Variants in PTPRK observed in about 807,000 individuals in gnomAD.
The protein encoded by PTPRK is receptor-type tyrosine-protein phosphatase kappa.
A neutral mutation model predicts 178.0 loss-of-function variants in PTPRK; 75 were observed. The observed-to-expected ratio is 0.42, with a 90% confidence interval of 0.35 to 0.51. The LOEUF (loss-of-function observed/expected upper bound fraction) is 0.51. Ranked by LOEUF, PTPRK falls within the 20% of genes least tolerant of loss-of-function variation. The probability of loss-of-function intolerance (pLI) is 0.02; values close to 1 mark genes in which losing one functional copy is unlikely to be tolerated. For missense variants in PTPRK, 1,441 were observed against 1,797.8 expected (o/e 0.80, Z 3.59); for synonymous variants, 637 against 620.6 (o/e 1.03, Z -0.39).
chr6:128,245,997 A>G (rs1414695066), intron 3 of PTPRK, among the ~76,000 whole-genome samples: 1 of 152,168 alleles, frequency 6.6e-6, no homozygotes, highest in Non-Finnish European at 1.5e-5. Flanking sequence ...CTTTCAAAAA[A>G]AGTTTTCTAA....
chr6:128,464,656 T>TATATATACAC (rs1849598913), intron 1 of PTPRK, among the ~76,000 whole-genome samples: 1 of 102,776 alleles, frequency 9.7e-6, no homozygotes, highest in African/African-American at 4.6e-5. Context: ...TATATATATA[T>TATATATACAC]ATATATATAT....
chr6:128,000,798 C>T (rs1458716945), intron 15 of PTPRK, among the ~76,000 whole-genome samples: 1 of 152,016 alleles, frequency 6.6e-6, no homozygotes, highest in Non-Finnish European at 1.5e-5. Flanking sequence ...ATCACTCAAG[C>T]TGGAAGAAGG....
At chr6:128,377,317 A>G (rs1272388786) in intron 2 of PTPRK, among the ~76,000 whole-genome samples, 1 of 152,204 alleles carries the variant, frequency 6.6e-6, no homozygotes, top group Non-Finnish European at 1.5e-5. Flanking sequence ...CATGGATGGC[A>G]GCAGGCAAAG....
chr6:128,008,846 A>G (rs1282964348), intron 14 of PTPRK, among the ~76,000 whole-genome samples: 1 of 151,146 alleles, frequency 6.6e-6, no homozygotes, highest in African/African-American at 2.4e-5. Context: ...AATATAAGAT[A>G]AATGATCTCA....
intron 1 of PTPRK, among the ~76,000 whole-genome samples, chr6:128,492,342 A>G (rs2128430354): frequency 6.6e-6 from 1 of 152,256 alleles, no homozygotes; most frequent in African/African-American, 2.4e-5. Flanking sequence ...TTCCCAGAAT[A>G]CCCCAAATCT....
intron 7 of PTPRK, among the ~76,000 whole-genome samples, chr6:128,117,407 A>G (rs74865932): frequency 5.8e-4 from 89 of 152,302 alleles, no homozygotes; most frequent in African/African-American, 2.0e-3. Context: ...TGATTAGGTA[A>G]TGCTTCCGCA....
At chr6:128,342,780 T>C (rs1363297696) in intron 2 of PTPRK, among the ~76,000 whole-genome samples, 3 of 151,738 alleles carry the variant, frequency 2.0e-5, no homozygotes, top group Admixed American at 1.3e-4. Flanking sequence ...TATCTACAAA[T>C]TTTTTTTTCT....
Position 128,241,245 on chromosome 6 carries a change from A to T in PTPRK, c.578-1095T>A, listed in dbSNP as rs1222018261. On this transcript the variant is annotated intron_variant, in intron 4 of 29. Coordinates refer to ENST00000368226, the MANE Select transcript of PTPRK (RefSeq NM_002844.4). The stretch of plus-strand genomic sequence containing the variant: ...TACCTCTCAGGAAGAGATTTAAAAT[A>T]AGGAATTCTTGAGTTAGAACATGAA... 3 of 533,250 alleles carry T rather than the reference A, an allele frequency of 5.6e-6. No individual in the cohort carries two copies. In the African/African-American group the frequency reaches 5.8e-5, roughly 10 times the overall value. 33.0% of individuals were successfully genotyped at this position (533,250 alleles called of 1,614,324 possible).
At chr6:128,496,083 C>G (rs573319839) in intron 1 of PTPRK, among the ~76,000 whole-genome samples, 1 of 152,282 alleles carries the variant, frequency 6.6e-6, no homozygotes, top group African/African-American at 2.4e-5. Flanking sequence ...CATCCATCTA[C>G]CCCAGACTGT....
chr6:128,065,740 T>C (rs1159154198), intron 12 of PTPRK, among the ~76,000 whole-genome samples: 1 of 152,166 alleles, frequency 6.6e-6, no homozygotes, highest in African/African-American at 2.4e-5. Flanking sequence ...AAAAATAAAA[T>C]GTTGCACTTC....
chr6:128,159,668 T>C (rs75646896), intron 7 of PTPRK, among the ~76,000 whole-genome samples: 3,318 of 151,844 alleles, frequency 0.022, 98 homozygotes, highest in African/African-American at 0.046. Context: ...TTTGCAACTC[T>C]TGTATTTAAA....
intron 11 of PTPRK, among the ~76,000 whole-genome samples, chr6:128,070,545 A>C (rs1782636120): frequency 6.6e-6 from 1 of 152,000 alleles, no homozygotes; most frequent in East Asian, 1.9e-4. Flanking sequence ...ACATAAATAC[A>C]AAAAGACTTC....
chr6:128,474,785 T>C (rs1363702777), intron 1 of PTPRK, among the ~76,000 whole-genome samples: 1 of 152,108 alleles, frequency 6.6e-6, no homozygotes, highest in Non-Finnish European at 1.5e-5. Flanking sequence ...AAAGATCATG[T>C]ATGGGTGTTG....
intron 15 of PTPRK, among the ~76,000 whole-genome samples, chr6:128,000,954 G>C (rs1054149840): frequency 2.0e-5 from 3 of 152,070 alleles, no homozygotes; most frequent in Non-Finnish European, 4.4e-5. Flanking sequence ...ATATAAAATA[G>C]ACAGTGCCTT....
Position 128,286,512 on chromosome 6 carries a change from C to T in PTPRK, c.495+35527G>A, listed in dbSNP as rs76383983. Among the ~76,000 whole-genome samples, 898 of 152,064 alleles carry T rather than the reference C, an allele frequency of 5.9e-3. 11 individuals are homozygous for T. The highest frequency in any genetic ancestry group is 0.021 in the African/African-American group (858 of 41,474). Reference sequence around the variant, plus strand: ...CCATTTGGTTCATTTGTGTACCTTCCATTTCTCTCCTTATTATGTTCATAT... The same window carrying T: ...CCATTTGGTTCATTTGTGTACCTTCTATTTCTCTCCTTATTATGTTCATAT... On this transcript the variant is annotated intron_variant, in intron 3 of 29. Coordinates refer to ENST00000368226, the MANE Select transcript of PTPRK (RefSeq NM_002844.4).
At chr6:128,419,000 T>C (rs1323686444) in intron 1 of PTPRK, among the ~76,000 whole-genome samples, 1 of 152,212 alleles carries the variant, frequency 6.6e-6, no homozygotes, top group African/African-American at 2.4e-5. Context: ...GCCTTCCTTT[T>C]CTGAAAATTC....
intron 19 of PTPRK, among the ~76,000 whole-genome samples, chr6:127,992,045 T>C (rs1307716877): frequency 6.6e-6 from 1 of 151,866 alleles, no homozygotes; most frequent in Non-Finnish European, 1.5e-5. Context: ...TTTCCTTTTA[T>C]ATAAAAAAGA....
chr6:128,195,627 GA>G (rs1804733781), intron 6 of PTPRK, among the ~76,000 whole-genome samples: 1 of 151,946 alleles, frequency 6.6e-6, no homozygotes, highest in Non-Finnish European at 1.5e-5. Flanking sequence ...TACGAAAAAG[GA>G]ATTGTGATGA....
intron 7 of PTPRK, among the ~76,000 whole-genome samples, chr6:128,158,946 G>A (rs980036592): frequency 6.6e-6 from 1 of 151,754 alleles, no homozygotes; most frequent in African/African-American, 2.4e-5. Context: ...AATAATTTTT[G>A]AAGTTCTTAC....
Sources: gnomAD v4.1 joint callset for allele counts (sites outside exome capture counted in the v4.1 genomes callset) on GRCh38, gnomAD v4.1.1 for gene constraint, MANE v1.5 for transcripts, NCBI Gene and HGNC (gene_info 2026-07-23, HGNC 2026-07-21) for gene names.